Variants in CHRNA7 observed in about 807,000 individuals in gnomAD.
CHRNA7 encodes the protein cholinergic receptor nicotinic alpha 7 subunit.
CHRNA7 carries 17 observed loss-of-function variants against 48.0 expected under a neutral mutation model. That is an observed-to-expected ratio of 0.35 (90% CI 0.24 to 0.53). The LOEUF is 0.53. Among genes scored for constraint, CHRNA7 ranks in the 20% least tolerant of loss-of-function variants. The pLI is 0.92. For missense variants in CHRNA7, 155 were observed against 577.7 expected, an observed-to-expected ratio of 0.27 and a Z score of 7.50; for synonymous variants, 75 against 242.3, an observed-to-expected ratio of 0.31 and a Z score of 6.41.
At chr15:32,113,088 C>T (rs1297562272) in intron 4 of CHRNA7, among the ~76,000 whole-genome samples, 1 of 152,146 alleles carries the variant, frequency 6.6e-6, no homozygotes, top group East Asian at 1.9e-4. Context: ...GCCAAGGCTG[C>T]TGTAACAAAG....
chr15:32,110,026 C>T (rs957181473), intron 3 of CHRNA7, among the ~76,000 whole-genome samples: 3 of 152,216 alleles, frequency 2.0e-5, no homozygotes, highest in Non-Finnish European at 2.9e-5. Flanking sequence ...CCTTGGCCTA[C>T]CATGCCCACT....
intron 4 of CHRNA7, among the ~76,000 whole-genome samples, chr15:32,122,417 A>G (rs901557697): frequency 4.5e-4 from 68 of 152,286 alleles, no homozygotes; most frequent in African/African-American, 1.6e-3. Flanking sequence ...ATACCAATCT[A>G]TCTTGAAGGA....
At chr15:32,134,071 G>T (rs990791743) in intron 4 of CHRNA7, among the ~76,000 whole-genome samples, 3 of 152,054 alleles carry the variant, frequency 2.0e-5, no homozygotes, top group Middle Eastern at 6.3e-3. Context: ...TGAGAGGGCA[G>T]CCAAGGGCTC....
At chr15:32,052,067 T>G (rs908648181) in intron 2 of CHRNA7, among the ~76,000 whole-genome samples, 1 of 152,190 alleles carries the variant, frequency 6.6e-6, no homozygotes, top group African/African-American at 2.4e-5. Context: ...TAAGCATTAT[T>G]AAATAATCAC....
chr15:32,136,088 G>A (rs1355144816), intron 4 of CHRNA7, among the ~76,000 whole-genome samples: 1 of 152,102 alleles, frequency 6.6e-6, no homozygotes, highest in Admixed American at 6.5e-5. Context: ...ACCAGAAGAC[G>A]TTTAGGAACT....
At chr15:32,085,344 A>G (rs2050278693) in intron 2 of CHRNA7, among the ~76,000 whole-genome samples, 1 of 152,214 alleles carries the variant, frequency 6.6e-6, no homozygotes, top group African/African-American at 2.4e-5. Context: ...TGACATTGTG[A>G]TAGATCATTA....
chr15:32,066,355 C>G (rs1270076698), intron 2 of CHRNA7, among the ~76,000 whole-genome samples: 1 of 151,666 alleles, frequency 6.6e-6, no homozygotes, highest in Non-Finnish European at 1.5e-5. Context: ...GATGTCCACT[C>G]ACTGCAACCT....
At chr15:32,114,451 C>T (rs2050833424) in intron 4 of CHRNA7, among the ~76,000 whole-genome samples, 2 of 152,138 alleles carry the variant, frequency 1.3e-5, no homozygotes, top group Admixed American at 6.5e-5. Flanking sequence ...GCTCACACAT[C>T]TGTTGAGCTC....
At chr15:32,106,069 A>G (rs1468812009) in intron 3 of CHRNA7, among the ~76,000 whole-genome samples, 2 of 152,196 alleles carry the variant, frequency 1.3e-5, no homozygotes, top group African/African-American at 4.8e-5. Flanking sequence ...CTTCTAAGCA[A>G]CCTTCCATTG....
intron 2 of CHRNA7, among the ~76,000 whole-genome samples, chr15:32,053,688 C>T (rs181958183): frequency 6.4e-4 from 98 of 152,190 alleles, no homozygotes; most frequent in Admixed American, 2.6e-3. Flanking sequence ...TTGAAGATAC[C>T]GCAGAGGCCT....
In CHRNA7 at chr15:32,101,348, G is replaced by A. The variant is rs763734880; in HGVS notation, c.240+1G>A. 3.1e-6 allele frequency: 5 copies of A among 1,590,652 alleles called. No homozygotes were observed. The highest frequency in any genetic ancestry group is 4.3e-6 in the Non-Finnish European group (5 of 1,172,348). On this transcript the variant is annotated splice_donor_variant, in intron 3 of 9. Transcript: ENST00000306901. LOFTEE classifies it high-confidence loss of function. ...AACCACCAACATTTGGCTGCAAATG[G>A]TAAGTTAAGAGAATGACAATCTCTC...
intron 4 of CHRNA7, among the ~76,000 whole-genome samples, chr15:32,137,047 G>GAA (rs1174484623): frequency 1.6e-5 from 2 of 123,568 alleles, no homozygotes; most frequent in East Asian, 2.5e-4. Flanking sequence ...AAAAAAAAAA[G>GAA]AAAAAAAAAA....
rs202075125 is a variant in CHRNA7, at chr15:32,114,073, TATAC to T, written c.350+2176_350+2179del. ...ATATATATATATACATATATATATATATACACATACATACATACACACACACATA... is the reference window on the plus strand; with the variant it reads ...ATATATATATATACATATATATATATACATACATACATACACACACACATA... On this transcript the variant is annotated intron_variant, in intron 4 of 9. Transcript: ENST00000306901. Among the ~76,000 whole-genome samples, 683 of 135,762 alleles carry T rather than the reference TATAC, an allele frequency of 5.0e-3. 8 individuals are homozygous for T. The highest frequency in any genetic ancestry group is 0.018 in the African/African-American group (652 of 36,426). 89.1% of individuals were successfully genotyped at this position (135,762 alleles called of 152,430 possible). A position where few individuals can be genotyped will look rare whatever the true frequency, so the allele number is the denominator to read the frequency against.
At chr15:32,137,332 A>G (rs1190377048) in intron 4 of CHRNA7, among the ~76,000 whole-genome samples, 1 of 9,208 alleles carries the variant, frequency 1.1e-4, no homozygotes, top group Non-Finnish European at 5.7e-4. Flanking sequence ...CTATGTTTAC[A>G]ACACCCCCCC....
In CHRNA7 at chr15:32,030,935, G is replaced by A. The variant is rs1373084932; in HGVS notation, c.93G>A (p.Lys31=). ...GCGAGTTCCAGAGGAAGCTTTACAA[G>A]GAGCTGGTCAAGAACTACAATCCCT... The part of the protein sequence containing the change: ...LQGEFQRKLY[K]ELVKNYNPLE... Residue 31 remains lysine (K), a synonymous_variant, in exon 2 of 10, where the codon AAG becomes AAA. Transcript: ENST00000306901. The A allele has an allele frequency of 2.5e-6, 4 of 1,614,086 alleles. No homozygotes were observed. The highest frequency in any genetic ancestry group is 3.4e-6 in the Non-Finnish European group (4 of 1,180,032).
At chr15:32,098,035 G>A (rs565577446) in intron 2 of CHRNA7, among the ~76,000 whole-genome samples, 11 of 152,344 alleles carry the variant, frequency 7.2e-5, no homozygotes, top group African/African-American at 2.2e-4. Flanking sequence ...TCCTTCTGCC[G>A]GGGGCCAGAG....
intron 2 of CHRNA7, among the ~76,000 whole-genome samples, chr15:32,072,794 A>G (rs2050078743): frequency 6.6e-6 from 1 of 152,232 alleles, no homozygotes; most frequent in African/African-American, 2.4e-5. Flanking sequence ...TGTGGTACTA[A>G]GTCTGCAGGT....
At chr15:32,081,411 C>CT (rs2050213380) in intron 2 of CHRNA7, among the ~76,000 whole-genome samples, 1 of 151,644 alleles carries the variant, frequency 6.6e-6, no homozygotes, top group African/African-American at 2.4e-5. Flanking sequence ...TTTTGTTTAT[C>CT]TTTTTTATAT....
chr15:32,114,049 TATATATATATAC>T (rs1273291402), intron 4 of CHRNA7, among the ~76,000 whole-genome samples: 11 of 54,636 alleles, frequency 2.0e-4, no homozygotes, highest in South Asian at 1.2e-3. Context: ...TATATGTATA[TATATATATATAC>T]ATATATATAT....
Sources: allele counts gnomAD v4.1 joint callset (sites outside exome capture counted in the v4.1 genomes callset), GRCh38; gene constraint gnomAD v4.1.1; transcripts MANE v1.5; gene names NCBI Gene and HGNC (gene_info 2026-07-23, HGNC 2026-07-21).